Variants in KAZN observed in about 807,000 individuals in gnomAD.
The protein encoded by KAZN is kazrin, periplakin interacting protein.
Under a neutral mutation model 87.4 loss-of-function variants are expected in KAZN, and 40 were observed. That is an observed-to-expected ratio of 0.46 (90% CI 0.36 to 0.60). The LOEUF is 0.60. KAZN is among the 20% of genes least tolerant of loss of function. The pLI is 0.00. For missense variants in KAZN, 898 were observed against 1,073.9 expected (o/e 0.84, Z 2.29); for synonymous variants, 466 against 458.3 (o/e 1.02, Z -0.22).
At chr1:14,904,976 T>C (rs1656349981) in intron 1 of KAZN, among the ~76,000 whole-genome samples, 1 of 152,184 alleles carries the variant, frequency 6.6e-6, no homozygotes, top group Non-Finnish European at 1.5e-5. Context: ...TTAGCCAGGA[T>C]GGTCTCAATC....
chr1:14,459,261 G>GTC (rs34979430), intron 2 of KAZN, among the ~76,000 whole-genome samples: 51,632 of 144,478 alleles, frequency 0.36, 8,987 homozygotes, highest in Middle Eastern at 0.49. Flanking sequence ...GTGTGTGCGC[G>GTC]TGTGTGTGTG....
intron 1 of KAZN, among the ~76,000 whole-genome samples, chr1:14,605,404 C>T (rs1677281403): frequency 6.6e-6 from 1 of 152,114 alleles, no homozygotes; most frequent in Non-Finnish European, 1.5e-5. Flanking sequence ...CTTTTGACTC[C>T]CCCAACACTT....
intron 13 of KAZN, among the ~76,000 whole-genome samples, chr1:15,105,955 G>T (rs1641280753): frequency 6.6e-6 from 1 of 152,108 alleles, no homozygotes; most frequent in Non-Finnish European, 1.5e-5. Context: ...AGCATTTTGG[G>T]GTGCTTCTTA....
intron 2 of KAZN, among the ~76,000 whole-genome samples, chr1:14,183,060 C>T (rs116445196): frequency 0.049 from 7,496 of 152,158 alleles, 272 homozygotes; most frequent in Non-Finnish European, 0.077. Flanking sequence ...GCTTGCAAGT[C>T]GAATGAAGTC....
intron 8 of KAZN, among the ~76,000 whole-genome samples, chr1:15,082,926 T>C (rs1640075161): frequency 6.6e-6 from 1 of 152,118 alleles, no homozygotes; most frequent in African/African-American, 2.4e-5. Context: ...CTGACTTCAA[T>C]TGACCTACCT....
intron 2 of KAZN, among the ~76,000 whole-genome samples, chr1:14,992,933 T>C (rs1361860132): frequency 6.6e-6 from 1 of 151,428 alleles, no homozygotes; most frequent in East Asian, 2.0e-4. Context: ...AATGAGCCAC[T>C]GCACCCAGCC....
At chr1:14,514,501 A>ATATATATCTTAGATATATTTT (rs1356176384) in intron 2 of KAZN, among the ~76,000 whole-genome samples, 1 of 6,822 alleles carries the variant, frequency 1.5e-4, no homozygotes, top group Non-Finnish European at 3.6e-4. Context: ...ATATATGTAA[A>ATATATATCTTAGATATATTTT]ATATATAATA....
At chr1:14,292,999 G>C (rs1465044874) in intron 2 of KAZN, among the ~76,000 whole-genome samples, 1 of 152,156 alleles carries the variant, frequency 6.6e-6, no homozygotes, top group East Asian at 1.9e-4. Flanking sequence ...TGGTGAAGTG[G>C]GCGTGGAGAG....
rs565648701 is a variant in KAZN at position 14,261,985 on chromosome 1, A to G, written c.249+81393A>G. On this transcript the variant is annotated intron_variant, in intron 2 of 16. Coordinates refer to the KAZN transcript ENST00000636203. ...CATACATCATGCTTTTAGGGGACAC[A>G]TAGAAGAACCCTGAGATTTTAATAG... Among the ~76,000 whole-genome samples, 4 of 152,352 alleles carry G rather than the reference A, an allele frequency of 2.6e-5. No individual in the cohort carries two copies. In the South Asian group the frequency reaches 8.3e-4, roughly 32 times the overall value.
intron 1 of KAZN, among the ~76,000 whole-genome samples, chr1:14,665,583 G>A (rs1557874487): frequency 6.6e-6 from 1 of 152,114 alleles, no homozygotes; most frequent in African/African-American, 2.4e-5. Context: ...CGTGGTTGAG[G>A]GCACAGGTTC....
intron 2 of KAZN, among the ~76,000 whole-genome samples, chr1:14,346,221 C>T (rs1161522674): frequency 6.6e-6 from 1 of 152,166 alleles, no homozygotes; most frequent in East Asian, 1.9e-4. Flanking sequence ...GCACAAGACT[C>T]TTCCCACCAC....
At chr1:14,845,524 T>A (rs764446783) in intron 1 of KAZN, among the ~76,000 whole-genome samples, 2 of 150,004 alleles carry the variant, frequency 1.3e-5, no homozygotes, top group Non-Finnish European at 3.0e-5. Flanking sequence ...GATGGATGAA[T>A]GGGTAAGTAG....
intron 2 of KAZN, among the ~76,000 whole-genome samples, chr1:14,500,605 G>A (rs371435098): frequency 6.6e-6 from 1 of 151,672 alleles, no homozygotes. Flanking sequence ...AACTGGAACC[G>A]AAACACATGA....
intron 1 of KAZN, among the ~76,000 whole-genome samples, chr1:14,160,271 C>CT (rs1285246189): frequency 6.6e-6 from 1 of 152,174 alleles, no homozygotes; most frequent in Non-Finnish European, 1.5e-5. Flanking sequence ...TCCCTTCTGG[C>CT]TAGGCTGGTT....
intron 2 of KAZN, among the ~76,000 whole-genome samples, chr1:14,478,420 A>T (rs560790146): frequency 6.6e-4 from 101 of 152,240 alleles, no homozygotes; most frequent in African/African-American, 2.4e-3. Context: ...GGTTGGACGG[A>T]TGGGTGGATG....
chr1:14,421,044 G>A lies in KAZN; in HGVS notation c.250-177939G>A, dbSNP rs199777204. ...GAGTGGGCGCCGAGGCCAAGGAGGC[G>A]TGGAGAGCGAGAGAGGGCTGCCAGC... On this transcript the variant is annotated intron_variant, in intron 2 of 16. Transcript: ENST00000636203. Among the ~76,000 whole-genome samples the A allele has an allele frequency of 2.0e-4, 30 of 152,358 alleles. No individual in the cohort carries two copies. In the East Asian group the frequency reaches 4.1e-3, roughly 21 times the overall value.
At chr1:14,463,776 G>A (rs557215633) in intron 2 of KAZN, among the ~76,000 whole-genome samples, 1 of 152,190 alleles carries the variant, frequency 6.6e-6, no homozygotes, top group South Asian at 2.1e-4. Context: ...TAAAAAATGT[G>A]GGGTACATAT....
At chr1:14,332,560 A>AT (rs533034965) in intron 2 of KAZN, among the ~76,000 whole-genome samples, 3 of 151,742 alleles carry the variant, frequency 2.0e-5, no homozygotes, top group Non-Finnish European at 2.9e-5. Flanking sequence ...GAGTTGTTTT[A>AT]TTTTTTTGTG....
chr1:14,375,886 T>C (rs1485343156), intron 2 of KAZN, among the ~76,000 whole-genome samples: 1 of 21,106 alleles, frequency 4.7e-5, no homozygotes, highest in East Asian at 5.0e-4. Flanking sequence ...AGACTCCATC[T>C]CAAAAACAAA....
Sources: allele counts gnomAD v4.1 joint callset (sites outside exome capture counted in the v4.1 genomes callset), GRCh38; gene constraint gnomAD v4.1.1; transcripts MANE v1.5; gene names NCBI Gene and HGNC (gene_info 2026-07-23, HGNC 2026-07-21).